The following INPP5D variants were observed in gnomAD, a reference collection of about 807,000 sequenced individuals.
INPP5D encodes the protein phosphatidylinositol 3,4,5-trisphosphate 5-phosphatase 1.
In INPP5D, 33 loss-of-function variants were observed where a neutral mutation model predicts 122.9. That is an observed-to-expected ratio of 0.27 (90% confidence interval 0.20 to 0.36). INPP5D has a LOEUF of 0.36. Among genes scored for constraint, INPP5D ranks in the 10% least tolerant of loss-of-function variants. The pLI, the probability that INPP5D is intolerant of heterozygous loss-of-function variation, is 1.00. For synonymous variants in INPP5D, 584 were observed against 576.2 expected, an observed-to-expected ratio of 1.01 and a Z score of -0.19; for missense variants, 1,053 against 1,412.7, an observed-to-expected ratio of 0.75 and a Z score of 4.08.
chr2:233,155,151 G>T (rs1045356329), intron 9 of INPP5D, among the ~76,000 whole-genome samples: 2 of 151,932 alleles, frequency 1.3e-5, no homozygotes, highest in Non-Finnish European at 2.9e-5. Flanking sequence ...GAAGGGGGAA[G>T]AAGGGGAAAG....
chr2:233,143,122 A>T (rs1449293809), intron 6 of INPP5D, among the ~76,000 whole-genome samples: 5 of 152,180 alleles, frequency 3.3e-5, no homozygotes, highest in African/African-American at 1.2e-4. Flanking sequence ...GGATTAGAAA[A>T]ATCAAGACAT....
intron 2 of INPP5D, among the ~76,000 whole-genome samples, chr2:233,110,216 T>C (rs1692582461): frequency 6.6e-6 from 1 of 151,978 alleles, no homozygotes; most frequent in Non-Finnish European, 1.5e-5. Flanking sequence ...CATGCCTGAC[T>C]AATTTTTTTT....
intron 11 of INPP5D, 27 bp from the exon 12 acceptor site, chr2:233,163,680 A>G: frequency 6.2e-7 from 1 of 1,612,692 alleles, no homozygotes; most frequent in Non-Finnish European, 8.5e-7. Flanking sequence ...CCTTTGACTC[A>G]CTTGGTGTTG....
At chr2:233,182,930 A>C (rs898310624) in intron 19 of INPP5D, among the ~76,000 whole-genome samples, 21 of 152,326 alleles carry the variant, frequency 1.4e-4, no homozygotes, top group African/African-American at 4.3e-4. Flanking sequence ...GATATACCTT[A>C]TTCAGCTACA....
At position 233,128,166 on chromosome 2, in the gene INPP5D, A is replaced by T. The variant is rs1019028235; in HGVS notation, c.524+2247A>T. Among the ~76,000 whole-genome samples the T allele has an allele frequency of 3.3e-5, 5 of 152,096 alleles. No homozygotes were observed. Among genetic ancestry groups the T allele is most frequent in the Non-Finnish European group, 5.9e-5 (4 of 68,022 alleles). ...AACCCGGTTGTGAACTGTGCACTTGAGGGATCTAGGCTGCACGCCTCTTAG... is the reference window on the plus strand; with the variant it reads ...AACCCGGTTGTGAACTGTGCACTTGTGGGATCTAGGCTGCACGCCTCTTAG... On this transcript the variant is annotated intron_variant, in intron 4 of 26. Coordinates refer to ENST00000445964, the MANE Select transcript of INPP5D (RefSeq NM_001017915.3). This position sits in a 1 kb window ranked among gnomAD's most constrained non-coding sequence, Gnocchi z 4.5.
At chr2:233,175,840 G>A (rs1694610466) in intron 17 of INPP5D, among the ~76,000 whole-genome samples, 1 of 151,980 alleles carries the variant, frequency 6.6e-6, no homozygotes. Flanking sequence ...GCGCCACCAT[G>A]CCCGGGTAAT....
intron 2 of INPP5D, among the ~76,000 whole-genome samples, chr2:233,110,547 C>T (rs953733485): frequency 1.3e-5 from 2 of 152,054 alleles, no homozygotes; most frequent in African/African-American, 2.4e-5. Flanking sequence ...TGTGCATGCA[C>T]GTGTGCACAC....
In INPP5D at chr2:233,188,726, T is replaced by C. The variant is rs941951177; in HGVS notation, c.2359-1124T>C. 1.3e-5 allele frequency among the ~76,000 whole-genome samples: 2 copies of C among 152,140 alleles called. No individual in the cohort carries two copies. The highest frequency in any genetic ancestry group is 4.8e-5 in the African/African-American group (2 of 41,422). ...ACAGGCACGCCCCATCAAGCCTCGC[T>C]AATTTCTGTATTTTTTAGTAGAGAC... is the stretch of plus-strand genomic sequence containing the variant. On this transcript the variant is annotated intron_variant, in intron 21 of 26. Transcript: ENST00000445964. The surrounding 1 kb of genome is among the most constrained non-coding windows in gnomAD (Gnocchi z 4.7).
chr2:233,166,562 C>T (rs1694345508), intron 13 of INPP5D, among the ~76,000 whole-genome samples: 2 of 152,164 alleles, frequency 1.3e-5, no homozygotes, highest in Non-Finnish European at 2.9e-5. Flanking sequence ...TGCAGGGCAG[C>T]TTCTGGGCTG....
chr2:233,089,928 A>G, intron 2 of INPP5D, among the ~76,000 whole-genome samples: 1 of 152,212 alleles, frequency 6.6e-6, no homozygotes, highest in East Asian at 1.9e-4. Context: ...TGGCCCAGCC[A>G]TGCCTTCCAA....
chr2:233,203,639 C>T (rs1270596070), intron 25 of INPP5D, among the ~76,000 whole-genome samples: 9 of 152,190 alleles, frequency 5.9e-5, no homozygotes, highest in African/African-American at 4.8e-5. Context: ...TGCCCATAAT[C>T]CCAGCACTTT....
chr2:233,122,119 G>C lies in INPP5D; in HGVS notation c.211G>C (p.Val71Leu). The C allele has an allele frequency of 6.2e-7, 1 of 1,613,886 alleles. No homozygotes were observed. Among genetic ancestry groups the C allele is most frequent in the Non-Finnish European group, 8.5e-7 (1 of 1,179,854 alleles). The change falls in exon 3 of 27, where the codon GTC becomes CTC. Residue 71 changes from valine to leucine, a missense_variant. Val to Leu is a conservative substitution (Grantham distance 32, BLOSUM62 1). Around this residue, in one of 6 missense-constraint regions of INPP5D, gnomAD observed 74 missense variants for 146.6 expected, o/e 0.50. Coordinates refer to ENST00000445964, the MANE Select transcript of INPP5D (RefSeq NM_001017915.3). ...DKFTVQASEGVSMRFFTKLDQ... is the reference protein window; with the variant it reads ...DKFTVQASEGLSMRFFTKLDQ... The stretch of plus-strand genomic sequence containing the variant: ...GTTCTGTCCTCAGGCATCCGAAGGC[G>C]TCTCCATGAGGTTCTTCACCAAGCT...
intron 10 of INPP5D, among the ~76,000 whole-genome samples, chr2:233,159,091 C>A (rs1450010891): frequency 1.3e-5 from 2 of 152,144 alleles, no homozygotes; most frequent in African/African-American, 2.4e-5. Context: ...AAATCTGAGT[C>A]TCGACTGGAG....
At chr2:233,122,369 T>G in intron 3 of INPP5D, 112 bp downstream of exon 3, 1 of 1,202,146 alleles carries the variant, frequency 8.3e-7, no homozygotes, top group Admixed American at 2.4e-5. Context: ...ATTGTTGGCG[T>G]GGGGGTTAAG....
At chr2:233,165,478 G>A (rs1694307274) in intron 13 of INPP5D, among the ~76,000 whole-genome samples, 1 of 151,008 alleles carries the variant, frequency 6.6e-6, no homozygotes, top group Admixed American at 6.6e-5. Flanking sequence ...GCATGTGTTT[G>A]TGAGTGTATT....
chr2:233,196,925 G>A (rs981505001), intron 24 of INPP5D, among the ~76,000 whole-genome samples: 38 of 152,174 alleles, frequency 2.5e-4, no homozygotes, highest in African/African-American at 8.7e-4. Context: ...GTTCACAGCC[G>A]TGGGCACACA....
chr2:233,135,712 A>G (rs1693451197), intron 5 of INPP5D, among the ~76,000 whole-genome samples: 1 of 151,898 alleles, frequency 6.6e-6, no homozygotes. Context: ...GAAAAAGGCT[A>G]CTGACCTGGA....
chr2:233,099,151 A>C (rs756710094), intron 2 of INPP5D, among the ~76,000 whole-genome samples: 1 of 152,068 alleles, frequency 6.6e-6, no homozygotes, highest in Non-Finnish European at 1.5e-5. Flanking sequence ...AGGTTTTGCT[A>C]TGTTGGCCAG....
intron 2 of INPP5D, among the ~76,000 whole-genome samples, chr2:233,080,665 A>G (rs760894149): frequency 2.0e-5 from 3 of 152,160 alleles, no homozygotes; most frequent in Non-Finnish European, 4.4e-5. Flanking sequence ...TTCAGTTTCA[A>G]AGCTTGAAGG....
Sources: gnomAD v4.1 joint callset for allele counts (sites outside exome capture counted in the v4.1 genomes callset) on GRCh38, gnomAD v4.1.1 for gene constraint, gnomAD v4.1.1 regional missense constraint, Gnocchi (gnomAD v3.1) non-coding constraint, MANE v1.5 for transcripts, NCBI Gene and HGNC (gene_info 2026-07-23, HGNC 2026-07-21) for gene names.